DMTF1: variants seen among roughly 807,000 people sequenced by gnomAD.
DMTF1 encodes cyclin D binding myb like transcription factor 1.
Under a neutral mutation model 91.1 loss-of-function variants are expected in DMTF1, and 39 were observed. The observed-to-expected ratio is 0.43, with a 90% CI of 0.33 to 0.56. DMTF1 has a LOEUF of 0.56. Among genes scored for constraint, DMTF1 ranks in the 20% least tolerant of loss-of-function variants. The pLI is 0.05. For synonymous variants in DMTF1, 338 were observed against 309.5 expected (o/e 1.09, Z -0.97); for missense variants, 750 against 914.5 (o/e 0.82, Z 2.32).
In DMTF1 at chr7:87,194,844, A is replaced by C; in HGVS notation, c.2173+16A>C. The C allele has an allele frequency of 6.3e-7, 1 of 1,592,444 alleles. No individual in the cohort carries two copies. The highest frequency in any genetic ancestry group is 1.4e-5 in the African/African-American group (1 of 73,982). On this transcript the variant is annotated intron_variant, in intron 17 of 17. Coordinates refer to ENST00000331242, the MANE Select transcript of DMTF1 (RefSeq NM_001142327.2). ...ACACTAACAGGTACTGTAATATAAT[A>C]CTTACTATGTGCCTGATAAATTTTA...
At chr7:87,173,513 G>GTT in intron 5 of DMTF1, 22 bp from the exon 6 acceptor site, 2 of 1,521,674 alleles carry the variant, frequency 1.3e-6, no homozygotes, top group Non-Finnish European at 1.8e-6. Context: ...GTTTTGTTTT[G>GTT]TTTTACTTTT....
intron 2 of DMTF1, among the ~76,000 whole-genome samples, chr7:87,164,062 A>G (rs1584241068): frequency 6.6e-6 from 1 of 151,536 alleles, no homozygotes; most frequent in East Asian, 1.9e-4. Flanking sequence ...TCTAAAAAAA[A>G]AAAAAAAAAA....
intron 3 of DMTF1, among the ~76,000 whole-genome samples, chr7:87,166,106 C>A (rs1057313877): frequency 2.0e-5 from 3 of 152,196 alleles, no homozygotes; most frequent in Non-Finnish European, 4.4e-5. Flanking sequence ...CATAGTCTTA[C>A]CTCCTGCCGC....
chr7:87,179,741 A>AGG, intron 8 of DMTF1, 39 bp downstream of exon 8: 1 of 1,529,530 alleles, frequency 6.5e-7, no homozygotes, highest in Non-Finnish European at 8.7e-7. Flanking sequence ...TCATGTAATT[A>AGG]GGGGAAATAT....
At chr7:87,153,696 C>T (rs1019596955) in intron 1 of DMTF1, among the ~76,000 whole-genome samples, 3 of 152,134 alleles carry the variant, frequency 2.0e-5, no homozygotes, top group Middle Eastern at 3.2e-3. Context: ...CATGTTGGGA[C>T]GTCCTACAAA....
rs114451067 is a variant in DMTF1, at chr7:87,158,955, C to G, written c.-131-4540C>G. 4.8e-3 allele frequency among the ~76,000 whole-genome samples: 731 copies of G among 152,118 alleles called. 4 individuals carry two copies. The highest frequency in any genetic ancestry group is 0.017 in the African/African-American group (714 of 41,526). On this transcript the variant is annotated intron_variant, in intron 1 of 17. Transcript: ENST00000331242. ...ATCTGGCTCACTGTAAACTGCCTAA[C>G]TTTAAAAAACTATTATTTGTTAAAC...
Position 87,195,346 on chromosome 7 carries a change from G to C in DMTF1, c.*206G>C, listed in dbSNP as rs868024991. 4.6e-6 allele frequency: 2 copies of C among 432,746 alleles called. No homozygotes were observed. The highest frequency in any genetic ancestry group is 4.1e-6 in the Non-Finnish European group (1 of 242,180). 26.8% of individuals were successfully genotyped at this position (432,746 alleles called of 1,614,324 possible). A position where few individuals can be genotyped will look rare whatever the true frequency, so the allele number is the denominator to read the frequency against. ...TTGAGTTTTATGACAGTATGTAGTT[G>C]AGTGGAGGCTGGGAGTTTTAAGCAT... is the stretch of plus-strand genomic sequence containing the variant. On this transcript the variant is annotated 3_prime_UTR_variant, in exon 18 of 18. Transcript: ENST00000331242.
At chr7:87,173,795 C>A in intron 6 of DMTF1, 146 bp downstream of exon 6, 1 of 401,672 alleles carries the variant, frequency 2.5e-6, no homozygotes, top group Non-Finnish European at 4.4e-6. Flanking sequence ...TTAAATTTGG[C>A]CCCAAATGAC....
At chr7:87,188,588 AGAAT>A (rs1233973204) in intron 13 of DMTF1, among the ~76,000 whole-genome samples, 2 of 152,216 alleles carry the variant, frequency 1.3e-5, no homozygotes, top group African/African-American at 4.8e-5. Context: ...AATAGAAATT[AGAAT>A]GAATGATAGA....
chr7:87,182,350 C>G lies in DMTF1; in HGVS notation c.820+13C>G. ...ACTTGCAACACAGGTACTGTGACTA[C>G]TACTGGTAGCGTTTTCTTGTCACCA... On this transcript the variant is annotated intron_variant, in intron 10 of 17. Transcript: ENST00000331242. 1.2e-6 allele frequency: 2 copies of G among 1,613,628 alleles called. No individual in the cohort carries two copies. Among genetic ancestry groups the G allele is most frequent in the Non-Finnish European group, 8.5e-7 (1 of 1,179,648 alleles).
intron 15 of DMTF1, 166 bp downstream of exon 15, chr7:87,193,519 C>T: frequency 1.2e-6 from 1 of 828,584 alleles, no homozygotes; most frequent in Non-Finnish European, 1.9e-6. Flanking sequence ...TATGTTTCAT[C>T]CCTTCTCTTT....
chr7:87,173,479 G>A (rs947958957), intron 5 of DMTF1, 56 bp from the exon 6 acceptor site: 10 of 1,131,624 alleles, frequency 8.8e-6, no homozygotes, highest in Non-Finnish European at 1.0e-5. Context: ...ATTAAATCAA[G>A]CTGCCATTTT....
rs757811452 is a variant in DMTF1 at position 87,185,789 on chromosome 7, ATTAAT to A, written c.1050-34_1050-30del. The A allele has an allele frequency of 5.6e-6, 9 of 1,610,900 alleles. No homozygotes were observed. The East Asian group carries it at 6.7e-5, about 12-fold the overall frequency. On this transcript the variant is annotated intron_variant, in intron 11 of 17. Coordinates refer to ENST00000331242, the MANE Select transcript of DMTF1 (RefSeq NM_001142327.2). ...TCAGAGGAGGGGTTCTTATAGAGAA[ATTAAT>A]TTAATGTCTAACGATGCTTATTTTG...
chr7:87,160,640 T>A (rs1792081760), intron 1 of DMTF1, among the ~76,000 whole-genome samples: 1 of 152,186 alleles, frequency 6.6e-6, no homozygotes, highest in African/African-American at 2.4e-5. Flanking sequence ...CTGCCTCTAC[T>A]ACTCCCACCA....
intron 1 of DMTF1, among the ~76,000 whole-genome samples, chr7:87,156,993 C>CA (rs1790910683): frequency 6.6e-6 from 1 of 151,912 alleles, no homozygotes. Flanking sequence ...ACAGTAAGTA[C>CA]AAAAAAGTGT....
At chr7:87,182,404 C>T in intron 10 of DMTF1, 67 bp downstream of exon 10, 1 of 1,499,882 alleles carries the variant, frequency 6.7e-7, no homozygotes, top group Non-Finnish European at 9.3e-7. Context: ...TAGGATACTG[C>T]CTTTTCTTTG....
In DMTF1 at chr7:87,193,983, G is replaced by C. The variant is rs1241144204; in HGVS notation, c.1909G>C (p.Asp637His). The stretch of plus-strand genomic sequence containing the variant: ...TGATGCTCATGTATCCAAATTCAGT[G>C]ACCAAAATAGCACAGAACTGATGAA... Reference protein sequence around the residue: ...FNDAHVSKFSDQNSTELMNSV... With the variant: ...FNDAHVSKFSHQNSTELMNSV... The change falls in exon 16 of 18, where the codon GAC (aspartate) becomes CAC (histidine). Residue 637 changes from aspartate to histidine, a missense_variant. This residue lies in a region of DMTF1 where 410 missense variants were observed against 420.2 expected (regional missense o/e 0.98). Transcript: ENST00000331242. 6.2e-7 allele frequency: 1 copy of C among 1,613,304 alleles called. No individual in the cohort carries two copies. Among genetic ancestry groups the C allele is most frequent in the East Asian group, 2.2e-5 (1 of 44,848 alleles).
chr7:87,161,775 C>T (rs750766129), intron 1 of DMTF1, among the ~76,000 whole-genome samples: 2 of 152,094 alleles, frequency 1.3e-5, no homozygotes, highest in African/African-American at 4.8e-5. Flanking sequence ...CCATTTTGCA[C>T]CTATAAAATA....
At chr7:87,164,895 A>G in intron 2 of DMTF1, 39 bp from the exon 3 acceptor site, 1 of 1,277,054 alleles carries the variant, frequency 7.8e-7, no homozygotes, top group Non-Finnish European at 1.1e-6. Flanking sequence ...ATTTGGGAAT[A>G]ATTTTTGAAA....
Sources: allele counts gnomAD v4.1 joint callset (sites outside exome capture counted in the v4.1 genomes callset), GRCh38; gene constraint gnomAD v4.1.1; regional missense constraint gnomAD v4.1.1; transcripts MANE v1.5; gene names NCBI Gene and HGNC (gene_info 2026-07-23, HGNC 2026-07-21).